The following SYT16 variants were observed in gnomAD, a reference collection of about 807,000 sequenced individuals.
The protein encoded by SYT16 is synaptotagmin-16.
SYT16 carries 42 observed loss-of-function variants against 61.4 expected under a neutral mutation model. The ratio of observed to expected loss-of-function variants is 0.68; its 90% CI spans 0.53 to 0.89. The LOEUF (loss-of-function observed/expected upper bound fraction) is 0.89. SYT16 is among the 40% of genes least tolerant of loss of function. The pLI, the probability that SYT16 is intolerant of heterozygous loss-of-function variation, is 0.00. For synonymous variants in SYT16, 314 were observed against 302.3 expected (o/e 1.04, Z -0.40); for missense variants, 804 against 807.3 (o/e 1.00, Z 0.05).
At chr14:61,974,676 T>C (rs1215223728) in intron 2 of SYT16, among the ~76,000 whole-genome samples, 1 of 152,160 alleles carries the variant, frequency 6.6e-6, no homozygotes, top group Non-Finnish European at 1.5e-5. Flanking sequence ...TGATACTTTA[T>C]CCAAAATGAA....
In SYT16 at chr14:62,109,482, A is replaced by G. The variant is rs972526007; in HGVS notation, c.*8775A>G. On this transcript the variant is annotated 3_prime_UTR_variant, in exon 8 of 8. Coordinates refer to ENST00000683842, the MANE Select transcript of SYT16 (RefSeq NM_001367656.1). ...AGTGCGTGCTCTCAGGAAAAGCTGC[A>G]TATATTTTATATGATCCATCAAATA... The G allele has an allele frequency of 3.9e-5, 6 of 152,156 alleles. No homozygotes were observed. Among genetic ancestry groups the G allele is most frequent in the Non-Finnish European group, 8.8e-5 (6 of 68,024 alleles). The allele number at this position is 152,156 out of a possible 1,614,324, so 9.4% of individuals were successfully genotyped here. A position where few individuals can be genotyped will look rare whatever the true frequency, so the allele number is the denominator to read the frequency against.
chr14:61,984,907 T>TA (rs1173639926), intron 2 of SYT16, among the ~76,000 whole-genome samples: 6 of 152,166 alleles, frequency 3.9e-5, no homozygotes, highest in Non-Finnish European at 8.8e-5. Context: ...AAGGGAAATG[T>TA]AAAAGGAGTG....
At chr14:62,031,139 C>A (rs1241577032) in intron 3 of SYT16, among the ~76,000 whole-genome samples, 1 of 152,170 alleles carries the variant, frequency 6.6e-6, no homozygotes. Flanking sequence ...TTTAAAGTCT[C>A]TTTGAAAATA....
chr14:61,946,682 A>G (rs1008096170), intron 1 of SYT16, among the ~76,000 whole-genome samples: 2 of 152,190 alleles, frequency 1.3e-5, no homozygotes, highest in African/African-American at 4.8e-5. Flanking sequence ...GGCACTGAAT[A>G]ATACTCTTTC....
chr14:61,984,651 T>C lies in SYT16; in HGVS notation c.-144-11225T>C, dbSNP rs548554341. ...CTCAGTAAGTAAGATTCCATGTCTT[T>C]TAGTGAGAAATTGGAAGGATTCAAG... On this transcript the variant is annotated intron_variant, in intron 2 of 7. Coordinates refer to ENST00000683842, the MANE Select transcript of SYT16 (RefSeq NM_001367656.1). Among the ~76,000 whole-genome samples, 11 of 152,194 alleles carry C rather than the reference T, an allele frequency of 7.2e-5. No individual in the cohort carries two copies. The East Asian group carries it at 2.1e-3, about 29-fold the overall frequency.
At chr14:61,881,221 C>A (rs1178950955) in intron 1 of SYT16, among the ~76,000 whole-genome samples, 1 of 152,174 alleles carries the variant, frequency 6.6e-6, no homozygotes, top group Non-Finnish European at 1.5e-5. Flanking sequence ...TACAAATGTG[C>A]TTTGCAGTCT....
intron 1 of SYT16, among the ~76,000 whole-genome samples, chr14:61,820,469 G>GTTGTTTTT (rs2045578707): frequency 3.3e-5 from 2 of 61,082 alleles, no homozygotes; most frequent in African/African-American, 1.4e-4. Flanking sequence ...CCTCTTCAGA[G>GTTGTTTTT]TTTTTTTTTT....
chr14:61,992,949 G>C (rs1416678806), intron 2 of SYT16, among the ~76,000 whole-genome samples: 1 of 151,750 alleles, frequency 6.6e-6, no homozygotes, highest in Non-Finnish European at 1.5e-5. Flanking sequence ...TTAAAACTAG[G>C]AGAATGATCA....
rs573166803 is a variant in SYT16, at chr14:62,089,531, G to A, written c.1624+5146G>A. Among the ~76,000 whole-genome samples, 8 of 152,112 alleles carry A rather than the reference G, an allele frequency of 5.3e-5. No individual in the cohort carries two copies. The East Asian group carries it at 1.4e-3, about 26-fold the overall frequency. On this transcript the variant is annotated intron_variant, in intron 7 of 7. Transcript: ENST00000683842. Reference sequence around the variant, plus strand: ...TGATTTTTTAAAAAAAATCATGTATGTGGGCTAAGAAGATAAAATAGGCTA... The same window carrying A: ...TGATTTTTTAAAAAAAATCATGTATATGGGCTAAGAAGATAAAATAGGCTA...
intron 1 of SYT16, among the ~76,000 whole-genome samples, chr14:61,854,009 C>CGTGTGT (rs1293645027): frequency 1.3e-5 from 2 of 152,138 alleles, no homozygotes; most frequent in Non-Finnish European, 2.9e-5. Flanking sequence ...CTATGAACAT[C>CGTGTGT]ATAGTTTACC....
rs202197767 is a variant in SYT16, at chr14:62,069,762, G to A, written c.683G>A (p.Ser228Asn). 1 of 1,614,028 alleles carries A rather than the reference G, an allele frequency of 6.2e-7. No homozygotes were observed. Among genetic ancestry groups the A allele is most frequent in the South Asian group, 1.1e-5 (1 of 91,084 alleles). The change falls in exon 4 of 8, where the codon AGC becomes AAC. Residue 228 changes from serine to asparagine, a missense_variant. Physicochemically the swap from Ser to Asn is conservative, Grantham distance 46. Transcript: ENST00000683842. ...QTGLEQKPKF[S>N]RSLLTHGEDG... is the part of the protein sequence containing the mutation. Reference sequence around the variant, plus strand: ...GGATTGGAGCAGAAACCAAAATTCAGCCGTTCGTTGTTGACACACGGAGAA... The same window carrying A: ...GGATTGGAGCAGAAACCAAAATTCAACCGTTCGTTGTTGACACACGGAGAA...
chr14:62,024,524 G>T (rs1221678820), intron 3 of SYT16, among the ~76,000 whole-genome samples: 1 of 151,998 alleles, frequency 6.6e-6, no homozygotes, highest in African/African-American at 2.4e-5. Context: ...AAATTGATCG[G>T]AAAGTGCATA....
chr14:62,001,292 A>G (rs1156785556), intron 3 of SYT16, among the ~76,000 whole-genome samples: 1 of 152,108 alleles, frequency 6.6e-6, no homozygotes, highest in Non-Finnish European at 1.5e-5. Flanking sequence ...TACTGTATAT[A>G]TGCTGCTAAA....
intron 1 of SYT16, among the ~76,000 whole-genome samples, chr14:61,937,014 C>CT (rs2140439150): frequency 6.6e-6 from 1 of 152,354 alleles, no homozygotes; most frequent in East Asian, 1.9e-4. Context: ...TAACCATGAA[C>CT]TTGTCTTACA....
intron 3 of SYT16, among the ~76,000 whole-genome samples, chr14:62,028,686 C>T (rs908194666): frequency 6.6e-6 from 1 of 152,112 alleles, no homozygotes; most frequent in Non-Finnish European, 1.5e-5. Context: ...TGGGAAAAGA[C>T]ATTAAAATGT....
intron 7 of SYT16, among the ~76,000 whole-genome samples, chr14:62,094,467 C>T (rs538236908): frequency 1.8e-4 from 28 of 152,108 alleles, no homozygotes; most frequent in African/African-American, 6.5e-4. Flanking sequence ...ACTCATTAGG[C>T]ACATGTTCTT....
intron 1 of SYT16, among the ~76,000 whole-genome samples, chr14:61,854,887 A>C (rs964083785): frequency 5.3e-5 from 8 of 151,866 alleles, no homozygotes; most frequent in African/African-American, 1.7e-4. Context: ...TGCACAGTGA[A>C]TATTTCCACC....
At chr14:61,943,817 C>T (rs542635604) in intron 1 of SYT16, among the ~76,000 whole-genome samples, 77 of 152,238 alleles carry the variant, frequency 5.1e-4, no homozygotes, top group Middle Eastern at 3.4e-3. Context: ...CTTTGAAAAC[C>T]GGCACAAGAC....
At chr14:61,914,360 T>C (rs2049040978) in intron 1 of SYT16, among the ~76,000 whole-genome samples, 1 of 152,206 alleles carries the variant, frequency 6.6e-6, no homozygotes. Context: ...ATGCTGTCTA[T>C]ATGAAGGGAT....
Sources: gnomAD v4.1 joint callset for allele counts (sites outside exome capture counted in the v4.1 genomes callset) on GRCh38, gnomAD v4.1.1 for gene constraint, MANE v1.5 for transcripts, NCBI Gene and HGNC (gene_info 2026-07-23, HGNC 2026-07-21) for gene names.